The following PDE7A variants were observed in gnomAD, a reference collection of about 807,000 sequenced individuals.
PDE7A encodes the protein high affinity 3',5'-cyclic-AMP phosphodiesterase 7A.
Under a neutral mutation model 64.3 loss-of-function variants are expected in PDE7A, and 39 were observed. That is an observed-to-expected ratio of 0.61 (90% CI 0.47 to 0.79). The LOEUF is 0.79. PDE7A is among the 30% of genes least tolerant of loss of function. The probability of loss-of-function intolerance (pLI) is 0.00; values close to 1 mark genes in which losing one functional copy is unlikely to be tolerated. For missense variants in PDE7A, 470 were observed against 582.8 expected (o/e 0.81, Z 1.99); for synonymous variants, 203 against 206.8 (o/e 0.98, Z 0.16).
chr8:65,804,037 T>A (rs893902324), intron 1 of PDE7A, among the ~76,000 whole-genome samples: 1 of 152,136 alleles, frequency 6.6e-6, no homozygotes, highest in Non-Finnish European at 1.5e-5. Context: ...TAATTCAAAC[T>A]AATATGGTAA....
chr8:65,768,505 C>T (rs116173713), intron 3 of PDE7A, among the ~76,000 whole-genome samples: 2,561 of 152,254 alleles, frequency 0.017, 75 homozygotes, highest in African/African-American at 0.058. Context: ...CTTTCACCTT[C>T]GGCCGTAATT....
chr8:65,722,336 T>C (rs1409013296), intron 12 of PDE7A: 1 of 152,276 alleles, frequency 6.6e-6, no homozygotes, highest in African/African-American at 2.4e-5. Flanking sequence ...AATCGGCCAC[T>C]ACCCACTTTC....
chr8:65,785,732 T>G (rs907544155), intron 1 of PDE7A, among the ~76,000 whole-genome samples: 23 of 152,210 alleles, frequency 1.5e-4, no homozygotes, highest in African/African-American at 5.3e-4. Context: ...CCTATCAATT[T>G]GATGGTGTCC....
chr8:65,838,692 C>A (rs1585961542), intron 1 of PDE7A: 1 of 152,242 alleles, frequency 6.6e-6, no homozygotes, highest in East Asian at 1.9e-4. Flanking sequence ...TCAAGCCCCT[C>A]AACTAAATGT....
In PDE7A at chr8:65,716,141, CCT is replaced by C. The variant is rs1308286141; in HGVS notation, c.*3147_*3148del. On this transcript the variant is annotated 3_prime_UTR_variant, in exon 13 of 13. Coordinates refer to ENST00000401827, the MANE Select transcript of PDE7A (RefSeq NM_001242318.3). Reference sequence around the variant, plus strand: ...ACTCCAGCCTAGTTAGCAGCGAGACCCTGTCTCAAAAAAAAAAAAAAACAAAA... The same window carrying C: ...ACTCCAGCCTAGTTAGCAGCGAGACCGTCTCAAAAAAAAAAAAAAACAAAA... 2.1e-5 allele frequency among the ~76,000 whole-genome samples: 3 copies of C among 145,478 alleles called. No individual in the cohort carries two copies. The highest frequency in any genetic ancestry group is 4.3e-4 in the South Asian group (2 of 4,600).
chr8:65,840,120 A>G (rs899866973), intron 1 of PDE7A, among the ~76,000 whole-genome samples: 2 of 152,230 alleles, frequency 1.3e-5, no homozygotes, highest in Non-Finnish European at 2.9e-5. Flanking sequence ...AGTGGTACTA[A>G]AAAGGCAGAT....
At chr8:65,738,718 C>T (rs904406228) in intron 6 of PDE7A, among the ~76,000 whole-genome samples, 12 of 152,270 alleles carry the variant, frequency 7.9e-5, no homozygotes, top group African/African-American at 2.9e-4. Context: ...CAGGTGTGAG[C>T]CACCACACCT....
At chr8:65,837,584 T>C (rs554444047) in intron 1 of PDE7A, among the ~76,000 whole-genome samples, 18 of 152,384 alleles carry the variant, frequency 1.2e-4, no homozygotes, top group African/African-American at 4.3e-4. Context: ...TTGTGTACAC[T>C]GACCCACCAG....
chr8:65,800,540 G>C (rs966936271), intron 1 of PDE7A, among the ~76,000 whole-genome samples: 1 of 152,180 alleles, frequency 6.6e-6, no homozygotes, highest in Non-Finnish European at 1.5e-5. Context: ...GCCAGGATTT[G>C]AGCATTTAGC....
Position 65,808,119 on chromosome 8 carries a change from A to G in PDE7A, c.139-25276T>C, listed in dbSNP as rs115394985. 5.9e-3 allele frequency among the ~76,000 whole-genome samples: 894 copies of G among 152,286 alleles called. 9 individuals carry two copies. Among genetic ancestry groups the G allele is most frequent in the African/African-American group, 0.02 (843 of 41,540 alleles). On this transcript the variant is annotated intron_variant, in intron 1 of 12. Coordinates refer to ENST00000401827, the MANE Select transcript of PDE7A (RefSeq NM_001242318.3). The stretch of plus-strand genomic sequence containing the variant: ...CAGCCATGGTAACAGGATGTACACT[A>G]TTTAATCTCTATTGAAGTATAGAGA...
chr8:65,817,333 C>A (rs2128931399), intron 1 of PDE7A, among the ~76,000 whole-genome samples: 1 of 152,184 alleles, frequency 6.6e-6, no homozygotes, highest in East Asian at 1.9e-4. Flanking sequence ...AATACACAAA[C>A]ATGTCTATAT....
chr8:65,738,134 A>G (rs1010568485), intron 6 of PDE7A, among the ~76,000 whole-genome samples: 3 of 149,844 alleles, frequency 2.0e-5, no homozygotes, highest in Non-Finnish European at 4.4e-5. Flanking sequence ...TATTAAGTGT[A>G]CAATAGCATT....
At chr8:65,764,872 A>C (rs1350951496) in intron 3 of PDE7A, among the ~76,000 whole-genome samples, 4 of 152,238 alleles carry the variant, frequency 2.6e-5, no homozygotes, top group Admixed American at 2.6e-4. Context: ...TAATAAAGAC[A>C]ATATGAGACA....
At chr8:65,740,469 T>C (rs1476244442) in intron 5 of PDE7A, among the ~76,000 whole-genome samples, 6 of 152,182 alleles carry the variant, frequency 3.9e-5, no homozygotes, top group South Asian at 4.1e-4. Flanking sequence ...GGTGCGATCT[T>C]GGCTCACTGC....
At position 65,842,001 on chromosome 8, in the gene PDE7A, T is replaced by C; in HGVS notation, c.-493A>G. On this transcript the variant is annotated 5_prime_UTR_variant, in exon 1 of 13. Coordinates refer to ENST00000401827, the MANE Select transcript of PDE7A (RefSeq NM_001242318.3). ...GCCGCCGCCGCCGCCGCCGGAGTCC[T>C]GCTCCTCCCCTCCCCCGGAGCCTGA... 3 of 243,068 alleles carry C rather than the reference T, an allele frequency of 1.2e-5. No homozygotes were observed. Among genetic ancestry groups the C allele is most frequent in the Non-Finnish European group, 1.6e-5 (2 of 128,322 alleles). 15.1% of individuals were successfully genotyped at this position (243,068 alleles called of 1,614,324 possible).
chr8:65,753,547 T>C (rs971490966), intron 3 of PDE7A, among the ~76,000 whole-genome samples: 1 of 151,540 alleles, frequency 6.6e-6, no homozygotes, highest in African/African-American at 2.4e-5. Flanking sequence ...AAAGAAAAAT[T>C]AAGACTTCTT....
In PDE7A at chr8:65,715,235, G is replaced by GT. The variant is rs1806085712; in HGVS notation, c.*4054dup. On this transcript the variant is annotated 3_prime_UTR_variant, in exon 13 of 13. Coordinates refer to ENST00000401827, the MANE Select transcript of PDE7A (RefSeq NM_001242318.3). ...AAAAAATATTCCAGTAATATAGGTC[G>GT]TATTTAAGTGGAGCTATAGGCCTGA... 6.6e-6 allele frequency among the ~76,000 whole-genome samples: 1 copy of GT among 151,906 alleles called. No homozygotes were observed. Among genetic ancestry groups the GT allele is most frequent in the Non-Finnish European group, 1.5e-5 (1 of 67,990 alleles).
intron 7 of PDE7A, among the ~76,000 whole-genome samples, chr8:65,729,517 C>T (rs1476732613): frequency 6.6e-6 from 1 of 151,906 alleles, no homozygotes; most frequent in Non-Finnish European, 1.5e-5. Context: ...CATAAAATGT[C>T]CTGAATCAGT....
chr8:65,762,446 C>T (rs532087421), intron 3 of PDE7A, among the ~76,000 whole-genome samples: 8 of 152,288 alleles, frequency 5.3e-5, no homozygotes, highest in Non-Finnish European at 5.9e-5. Context: ...CAGCAAAGTA[C>T]ATGAGAACAC....
Sources: allele counts gnomAD v4.1 joint callset (sites outside exome capture counted in the v4.1 genomes callset), GRCh38; gene constraint gnomAD v4.1.1; transcripts MANE v1.5; gene names NCBI Gene and HGNC (gene_info 2026-07-23, HGNC 2026-07-21).